Variants in RADIL observed in about 807,000 individuals in gnomAD.
RADIL encodes the protein ras-associating and dilute domain-containing protein.
A neutral mutation model predicts 97.6 loss-of-function variants in RADIL; 99 were observed. The ratio of observed to expected loss-of-function variants is 1.01; its 90% CI spans 0.86 to 1.20. The LOEUF (loss-of-function observed/expected upper bound fraction) is 1.20, where lower values mean the gene tolerates loss of function less well. RADIL is among the 50% of genes most tolerant of loss of function. The pLI, the probability that RADIL is intolerant of heterozygous loss-of-function variation, is 0.00. For missense variants in RADIL, 1,765 were observed against 1,498.9 expected (o/e 1.18, Z -2.93); for synonymous variants, 803 against 691.8 (o/e 1.16, Z -2.52).
At chr7:4,858,135 G>C (rs1471165648) in intron 2 of RADIL, 7 of 152,360 alleles carry the variant, frequency 4.6e-5, no homozygotes, top group Non-Finnish European at 1.0e-4. Context: ...CTGTGTACTA[G>C]ATATCAGAAA....
rs544717045 is a variant in RADIL at position 4,824,319 on chromosome 7, C to T, written c.1455-1765G>A. On this transcript the variant is annotated intron_variant, in intron 5 of 14. Coordinates refer to ENST00000399583, the MANE Select transcript of RADIL (RefSeq NM_018059.5). The surrounding 1 kb of genome is among the most constrained non-coding windows in gnomAD (Gnocchi z 6.7). ...AGAGCCAGGCTCAAGGCTGGACGGC[C>T]GTCAGAGTGACCATCGCGTGCTCAG... 3.2e-3 allele frequency among the ~76,000 whole-genome samples: 480 copies of T among 152,334 alleles called. 3 individuals are homozygous for T. The highest frequency in any genetic ancestry group is 5.5e-3 in the Non-Finnish European group (371 of 68,030).
chr7:4,816,891 C>T (rs1361475667), intron 7 of RADIL, among the ~76,000 whole-genome samples: 5 of 152,166 alleles, frequency 3.3e-5, no homozygotes, highest in South Asian at 2.1e-4. Context: ...CTCTGGCACC[C>T]GTGGGTCCAG....
chr7:4,873,214 T>G lies in RADIL; in HGVS notation c.535+4391A>C, dbSNP rs1784294709. On this transcript the variant is annotated intron_variant, in intron 2 of 14. Coordinates refer to ENST00000399583, the MANE Select transcript of RADIL (RefSeq NM_018059.5). This position sits in a 1 kb window ranked among gnomAD's most constrained non-coding sequence, Gnocchi z 4.3. ...TCCCAAAGTGCTGGGATTACACGCG[T>G]GAGCCACCGCGCCCGGCCAAGTGTG... Among the ~76,000 whole-genome samples the G allele has an allele frequency of 6.6e-6, 1 of 152,172 alleles. No individual in the cohort carries two copies. Among genetic ancestry groups the G allele is most frequent in the East Asian group, 1.9e-4 (1 of 5,182 alleles).
At chr7:4,866,528 T>C (rs1361902905) in intron 2 of RADIL, among the ~76,000 whole-genome samples, 1 of 152,204 alleles carries the variant, frequency 6.6e-6, no homozygotes, top group African/African-American at 2.4e-5. Flanking sequence ...TTTGATTAGA[T>C]AGAGGGGCAA....
rs1459374188 is a variant in RADIL, at chr7:4,835,662, C to T, written c.784-423G>A. On this transcript the variant is annotated intron_variant, in intron 3 of 14. Coordinates refer to ENST00000399583, the MANE Select transcript of RADIL (RefSeq NM_018059.5). The surrounding 1 kb of genome is among the most constrained non-coding windows in gnomAD (Gnocchi z 5.8). ...GAGCACTGCCGCCTGTGTGAGAGCA[C>T]TGCCCCGAGGGAAGATGCCACCTAA... 3.9e-5 allele frequency among the ~76,000 whole-genome samples: 6 copies of T among 152,184 alleles called. No individual in the cohort carries two copies. The highest frequency in any genetic ancestry group is 2.1e-4 in the South Asian group (1 of 4,828).
At chr7:4,805,757 T>A in intron 9 of RADIL, 41 bp from the exon 10 acceptor site, 1 of 1,582,038 alleles carries the variant, frequency 6.3e-7, no homozygotes, top group East Asian at 2.3e-5. Context: ...GGTCTCTGGG[T>A]GCAGACCCCA....
chr7:4,860,508 G>A (rs748882070), intron 2 of RADIL: 35 of 1,613,972 alleles, frequency 2.2e-5, no homozygotes, highest in African/African-American at 1.7e-4. Flanking sequence ...CACATTGTAC[G>A]AAATTCTTCC....
intron 9 of RADIL, chr7:4,809,499 CAAAACA>C (rs997427043): frequency 3.0e-6 from 3 of 985,254 alleles, no homozygotes; most frequent in Non-Finnish European, 3.6e-6. Flanking sequence ...GTCCAGCCCC[CAAAACA>C]AGAACAAGAA....
At chr7:4,836,308 G>A (rs1783297306) in intron 3 of RADIL, 50 bp downstream of exon 3, 1 of 1,552,590 alleles carries the variant, frequency 6.4e-7, no homozygotes, top group South Asian at 1.2e-5. Flanking sequence ...AGTCCCGCCT[G>A]CTGTCCCTGC....
intron 1 of RADIL, among the ~76,000 whole-genome samples, chr7:4,881,773 A>G (rs559927490): frequency 1.3e-5 from 2 of 152,236 alleles, no homozygotes; most frequent in South Asian, 4.1e-4. Context: ...CCCAAATACA[A>G]TGGAAAAGTG....
rs1232560629 is a variant in RADIL, at chr7:4,867,137, C to T, written c.535+10468G>A. Among the ~76,000 whole-genome samples the T allele has an allele frequency of 1.3e-5, 2 of 152,170 alleles. No individual in the cohort carries two copies. Among genetic ancestry groups the T allele is most frequent in the African/African-American group, 4.8e-5 (2 of 41,436 alleles). The stretch of plus-strand genomic sequence containing the variant: ...TCTTTTCCTTATACATTACCAGCCA[C>T]AGGTATTCTGCTGTGGCAACAAGAA... On this transcript the variant is annotated intron_variant, in intron 2 of 14. Transcript: ENST00000399583. The surrounding 1 kb of genome is among the most constrained non-coding windows in gnomAD (Gnocchi z 4.1).
In RADIL at chr7:4,837,435, T is replaced by C. The variant is rs1783329038; in HGVS notation, c.536-830A>G. Among the ~76,000 whole-genome samples the C allele has an allele frequency of 1.3e-5, 2 of 152,204 alleles. No individual in the cohort carries two copies. Among genetic ancestry groups the C allele is most frequent in the Admixed American group, 1.3e-4 (2 of 15,280 alleles). On this transcript the variant is annotated intron_variant, in intron 2 of 14. Coordinates refer to ENST00000399583, the MANE Select transcript of RADIL (RefSeq NM_018059.5). The surrounding 1 kb of genome is among the most constrained non-coding windows in gnomAD (Gnocchi z 5.6). The stretch of plus-strand genomic sequence containing the variant: ...ACTTTACAAGGAGGAGGTGTCACTG[T>C]GCCACATCACCCCAGCCCATGGGGC...
chr7:4,821,516 G>T lies in RADIL; in HGVS notation c.1615+878C>A, dbSNP rs775663039. Among the ~76,000 whole-genome samples the T allele has an allele frequency of 6.6e-5, 10 of 152,158 alleles. No homozygotes were observed. The highest frequency in any genetic ancestry group is 1.5e-5 in the Non-Finnish European group (1 of 68,028). On this transcript the variant is annotated intron_variant, in intron 6 of 14. Coordinates refer to ENST00000399583, the MANE Select transcript of RADIL (RefSeq NM_018059.5). The surrounding 1 kb of genome is among the most constrained non-coding windows in gnomAD (Gnocchi z 5.2). The stretch of plus-strand genomic sequence containing the variant: ...CTCTCGAAGCCCCCTAGACTGCCCC[G>T]ATGGAATCCCTCTCCCTTAGTATTT...
chr7:4,811,124 G>C (rs1250450201), intron 9 of RADIL: 2 of 152,196 alleles, frequency 1.3e-5, no homozygotes, highest in African/African-American at 2.4e-5. Context: ...CTGGACGACA[G>C]AGTGAGACTC....
rs1302357793 is a variant in RADIL, at chr7:4,854,247, A to C, written c.536-17642T>G. 6.6e-6 allele frequency among the ~76,000 whole-genome samples: 1 copy of C among 152,148 alleles called. No individual in the cohort carries two copies. The highest frequency in any genetic ancestry group is 1.5e-5 in the Non-Finnish European group (1 of 68,028). ...AGCCACCGTTACCAGCCCCGAACTT[A>C]CTGTTAGGTGAAAGAAAGCTGTATT... On this transcript the variant is annotated intron_variant, in intron 2 of 14. Transcript: ENST00000399583. This position sits in a 1 kb window ranked among gnomAD's most constrained non-coding sequence, Gnocchi z 5.1.
rs763786483 is a variant in RADIL, at chr7:4,799,351, G to A, written c.*27C>T. ...GTCACCAGGTGGGACCGGGTGCCGG[G>A]CCTGTGGGGGTGTCCTCGCAGCCCC... On this transcript the variant is annotated 3_prime_UTR_variant, in exon 15 of 15. Coordinates refer to ENST00000399583, the MANE Select transcript of RADIL (RefSeq NM_018059.5). 6.2e-7 allele frequency: 1 copy of A among 1,607,806 alleles called. No individual in the cohort carries two copies. Among genetic ancestry groups the A allele is most frequent in the Non-Finnish European group, 8.5e-7 (1 of 1,175,018 alleles).
chr7:4,844,851 G>T (rs535958633), intron 2 of RADIL, among the ~76,000 whole-genome samples: 1 of 152,112 alleles, frequency 6.6e-6, no homozygotes, highest in South Asian at 2.1e-4. Flanking sequence ...CAATCCTCCC[G>T]CCTCAGTCTC....
rs373286668 is a variant in RADIL, at chr7:4,882,455, G to A, written c.-65+1141C>T. 3.3e-5 allele frequency among the ~76,000 whole-genome samples: 5 copies of A among 152,304 alleles called. No homozygotes were observed. The South Asian group carries it at 1.0e-3, about 32-fold the overall frequency. On this transcript the variant is annotated intron_variant, in intron 1 of 14. Transcript: ENST00000399583. Reference sequence around the variant, plus strand: ...CTGGCTGGTGCTGCTCTTAGAGAATGTTTTCTCTTGTTCTCAAGGAAGGGT... The same window carrying A: ...CTGGCTGGTGCTGCTCTTAGAGAATATTTTCTCTTGTTCTCAAGGAAGGGT...
At position 4,846,073 on chromosome 7, in the gene RADIL, T is replaced by C. The variant is rs182578588; in HGVS notation, c.536-9468A>G. 7.4e-4 allele frequency among the ~76,000 whole-genome samples: 112 copies of C among 151,718 alleles called. 1 individual carries two copies. Among genetic ancestry groups the C allele is most frequent in the African/African-American group, 2.6e-3 (108 of 41,368 alleles). ...CAGCCCTATGGAGGGCGCTGTTTCATCTCAGGCACCACTGCTTATTTGTCT... is the reference window on the plus strand; with the variant it reads ...CAGCCCTATGGAGGGCGCTGTTTCACCTCAGGCACCACTGCTTATTTGTCT... On this transcript the variant is annotated intron_variant, in intron 2 of 14. Coordinates refer to ENST00000399583, the MANE Select transcript of RADIL (RefSeq NM_018059.5).
Sources: allele counts gnomAD v4.1 joint callset (sites outside exome capture counted in the v4.1 genomes callset), GRCh38; gene constraint gnomAD v4.1.1; non-coding constraint Gnocchi (gnomAD v3.1); transcripts MANE v1.5; gene names NCBI Gene and HGNC (gene_info 2026-07-23, HGNC 2026-07-21).